FRMPD2: variants seen among roughly 807,000 people sequenced by gnomAD.
FRMPD2 encodes the protein FERM and PDZ domain-containing protein 2.
In FRMPD2, 96 loss-of-function variants were observed where a neutral mutation model predicts 140.1. The ratio of observed to expected loss-of-function variants is 0.69; its 90% CI spans 0.58 to 0.81. The LOEUF (loss-of-function observed/expected upper bound fraction) is 0.81. Among genes scored for constraint, FRMPD2 ranks in the 40% least tolerant of loss-of-function variants. FRMPD2 has a pLI of 0.00. For synonymous variants in FRMPD2, 449 were observed against 547.6 expected (o/e 0.82, Z 2.52); for missense variants, 1,240 against 1,447.4 (o/e 0.86, Z 2.32).
At position 48,185,279 on chromosome 10, in the gene FRMPD2, C is replaced by T. The variant is rs147934804; in HGVS notation, c.2359+274G>A. ...ATTGACTCTTCTTCCCCATAGCTGA[C>T]TAGAGGAATGTTGTTACATGGTATT... On this transcript the variant is annotated intron_variant, in intron 18 of 28. Coordinates refer to ENST00000374201, the MANE Select transcript of FRMPD2 (RefSeq NM_001018071.4). Among the ~76,000 whole-genome samples, 1,114 of 152,182 alleles carry T rather than the reference C, an allele frequency of 7.3e-3. 8 individuals are homozygous for T. The highest frequency in any genetic ancestry group is 0.017 in the Middle Eastern group (5 of 294).
chr10:48,257,822 G>C (rs570657195), intron 1 of FRMPD2, among the ~76,000 whole-genome samples: 1 of 152,298 alleles, frequency 6.6e-6, no homozygotes, highest in African/African-American at 2.4e-5. Context: ...CATAAAAGGT[G>C]ATGAGCACAT....
upstream of FRMPD2, chr10:48,274,701 G>C: frequency 1.3e-6 from 1 of 781,456 alleles, no homozygotes; most frequent in Non-Finnish European, 2.2e-6. Flanking sequence ...TTTACTGCTT[G>C]TCACTAAGCA....
chr10:48,188,592 C>T (rs1173703512), intron 16 of FRMPD2, among the ~76,000 whole-genome samples: 2 of 152,206 alleles, frequency 1.3e-5, no homozygotes, highest in Non-Finnish European at 2.9e-5. Flanking sequence ...GGGTGGATGA[C>T]TTTCATGCCT....
At chr10:48,196,537 A>T (rs1226819439) in intron 15 of FRMPD2, among the ~76,000 whole-genome samples, 1 of 152,148 alleles carries the variant, frequency 6.6e-6, no homozygotes, top group East Asian at 1.9e-4. Context: ...GCAGGCCCAG[A>T]CACTCCCAGT....
At chr10:48,266,424 TA>T (rs1840678732) in intron 1 of FRMPD2, among the ~76,000 whole-genome samples, 1 of 152,100 alleles carries the variant, frequency 6.6e-6, no homozygotes, top group Non-Finnish European at 1.5e-5. Context: ...TTCTTCAATT[TA>T]AAAAAGAGAA....
Position 48,249,163 on chromosome 10 carries a change from A to G in FRMPD2, c.167T>C (p.Val56Ala). 1.2e-6 allele frequency: 2 copies of G among 1,614,000 alleles called. No individual in the cohort carries two copies. Among genetic ancestry groups the G allele is most frequent in the Non-Finnish European group, 8.5e-7 (1 of 1,179,942 alleles). ...EDLRNDSSDYVVCPWSALLSA... is the reference protein window; with the variant it reads ...EDLRNDSSDYAVCPWSALLSA... Reference sequence around the variant, plus strand: ...AAGCAGGGCTGACCAGGGGCAAACCACATAGTCCGAGGAATCTGAAACCAA... The same window carrying G: ...AAGCAGGGCTGACCAGGGGCAAACCGCATAGTCCGAGGAATCTGAAACCAA... Residue 56 changes from valine to alanine, a missense_variant, in exon 3 of 29, where the codon GTG becomes GCG. Val to Ala is a moderately conservative substitution (Grantham distance 64, BLOSUM62 0). This residue lies in a region of FRMPD2 where 1,161 missense variants were observed against 1,055.9 expected (regional missense o/e 1.10). Transcript: ENST00000374201.
At chr10:48,248,968 G>C (rs1184658107) in intron 3 of FRMPD2, 53 bp downstream of exon 3, 5 of 1,509,336 alleles carry the variant, frequency 3.3e-6, no homozygotes, top group Non-Finnish European at 4.5e-6. Flanking sequence ...CGCTGGGACA[G>C]GCCTTTCCCA....
At chr10:48,242,016 C>T (rs1840125817) in intron 5 of FRMPD2, 145 bp downstream of exon 5, 1 of 570,802 alleles carries the variant, frequency 1.8e-6, no homozygotes, top group East Asian at 3.0e-5. Flanking sequence ...CTACGAGTGG[C>T]AACGGAGCAC....
rs1204955804 is a variant in FRMPD2 at position 48,185,646 on chromosome 10, C to G, written c.2267-1G>C. ...CTCTTCCTCCTATTATTCTTTGAGC[C>G]TAGAGGTAGAATCAGAGCACCACAT... is the stretch of plus-strand genomic sequence containing the variant. On this transcript the variant is annotated splice_acceptor_variant, in intron 17 of 28. Coordinates refer to ENST00000374201, the MANE Select transcript of FRMPD2 (RefSeq NM_001018071.4). LOFTEE classifies it high-confidence loss of function. 1 of 1,612,190 alleles carries G rather than the reference C, an allele frequency of 6.2e-7. No homozygotes were observed. Among genetic ancestry groups the G allele is most frequent in the Non-Finnish European group, 8.5e-7 (1 of 1,178,264 alleles).
At chr10:48,242,006 C>T in intron 5 of FRMPD2, 155 bp downstream of exon 5, 1 of 539,832 alleles carries the variant, frequency 1.9e-6, no homozygotes, top group Non-Finnish European at 3.2e-6. Flanking sequence ...TCATCACCTG[C>T]TACGAGTGGC....
chr10:48,223,363 C>CCCAGCTCGTGTGTG, intron 10 of FRMPD2, 93 bp from the exon 11 acceptor site: 7 of 1,306,762 alleles, frequency 5.4e-6, no homozygotes, highest in African/African-American at 1.5e-5. Context: ...CAGAGTGTCA[C>CCCAGCTCGTGTGTG]ACACGAGCTG....
chr10:48,191,166 T>C (rs1053168861), intron 16 of FRMPD2, among the ~76,000 whole-genome samples: 1 of 152,180 alleles, frequency 6.6e-6, no homozygotes, highest in Non-Finnish European at 1.5e-5. Context: ...CCCTCCTGCC[T>C]TGCAGAACCT....
At chr10:48,243,384 T>C (rs973214270) in intron 4 of FRMPD2, among the ~76,000 whole-genome samples, 2 of 152,152 alleles carry the variant, frequency 1.3e-5, no homozygotes, top group Non-Finnish European at 1.5e-5. Context: ...GGCACGAAGA[T>C]GCAGATGAGC....
chr10:48,188,457 G>T (rs972802222), intron 16 of FRMPD2, among the ~76,000 whole-genome samples: 9 of 152,220 alleles, frequency 5.9e-5, no homozygotes, highest in African/African-American at 1.9e-4. Context: ...TTGCCTTGCA[G>T]CACGATCGAC....
intron 1 of FRMPD2, among the ~76,000 whole-genome samples, chr10:48,257,972 G>A (rs1307435998): frequency 6.6e-6 from 1 of 152,190 alleles, no homozygotes; most frequent in East Asian, 1.9e-4. Flanking sequence ...GGGTTGAGGT[G>A]CTATAAACAT....
chr10:48,248,496 A>G (rs1298411914), intron 3 of FRMPD2: 5 of 152,210 alleles, frequency 3.3e-5, no homozygotes, highest in Non-Finnish European at 4.4e-5. Context: ...TACATTAAAT[A>G]AGCTTCTACA....
At position 48,250,137 on chromosome 10, in the gene FRMPD2, G is replaced by A. The variant is rs556616743; in HGVS notation, c.152-959C>T. ...CAACCTCCAGAGAGGTGACTCGCCC[G>A]AGCCCACCTACACCCTAAAGGGTCG... On this transcript the variant is annotated intron_variant, in intron 2 of 28. Coordinates refer to ENST00000374201, the MANE Select transcript of FRMPD2 (RefSeq NM_001018071.4). 1.4e-3 allele frequency among the ~76,000 whole-genome samples: 206 copies of A among 152,212 alleles called. 1 individual carries two copies. Among genetic ancestry groups the A allele is most frequent in the Non-Finnish European group, 2.5e-3 (173 of 67,986 alleles).
intron 10 of FRMPD2, among the ~76,000 whole-genome samples, chr10:48,224,288 T>C (rs1564430978): frequency 6.6e-6 from 1 of 152,034 alleles, no homozygotes; most frequent in African/African-American, 2.4e-5. Flanking sequence ...GCCCCTGCCC[T>C]GTTCTACCAC....
chr10:48,167,530 T>C (rs1838128038), intron 27 of FRMPD2, among the ~76,000 whole-genome samples: 1 of 107,850 alleles, frequency 9.3e-6, no homozygotes, highest in Admixed American at 1.0e-4. Context: ...GAGGCCCTGT[T>C]TATAGCTGCA....
Sources: allele counts gnomAD v4.1 joint callset (sites outside exome capture counted in the v4.1 genomes callset), GRCh38; gene constraint gnomAD v4.1.1; regional missense constraint gnomAD v4.1.1; transcripts MANE v1.5; gene names NCBI Gene and HGNC (gene_info 2026-07-23, HGNC 2026-07-21).